SF3B6: variants seen among roughly 807,000 people sequenced by gnomAD.
The protein encoded by SF3B6 is splicing factor 3b subunit 6, also known as SF3b 14 kDa subunit.
In SF3B6, 3 loss-of-function variants were observed where a neutral mutation model predicts 15.9. That is an observed-to-expected ratio of 0.19 (90% CI 0.09 to 0.49). The LOEUF (loss-of-function observed/expected upper bound fraction) is 0.49, where lower values mean the gene tolerates loss of function less well. Among genes scored for constraint, SF3B6 ranks in the 20% least tolerant of loss-of-function variants. SF3B6 has a pLI of 0.97. For missense variants in SF3B6, 71 were observed against 154.3 expected (o/e 0.46, Z 2.86); for synonymous variants, 49 against 51.1 (o/e 0.96, Z 0.18).
intron 2 of SF3B6, among the ~76,000 whole-genome samples, chr2:24,073,233 A>T (rs908151216): frequency 1.3e-5 from 2 of 152,230 alleles, no homozygotes; most frequent in Non-Finnish European, 1.5e-5. Context: ...CTTTATACGT[A>T]GTCATTACTG....
chr2:24,073,450 C>G (rs1348127016), intron 2 of SF3B6, among the ~76,000 whole-genome samples: 3 of 151,968 alleles, frequency 2.0e-5, no homozygotes, highest in African/African-American at 7.3e-5. Context: ...TTTGTTGATC[C>G]AAATAAAAGC....
chr2:24,075,594 T>A (rs981649725), intron 1 of SF3B6, among the ~76,000 whole-genome samples: 13 of 142,358 alleles, frequency 9.1e-5, no homozygotes, highest in African/African-American at 2.4e-4. Context: ...TTTTTTTTTT[T>A]AAAAGTTTCC....
At chr2:24,073,758 A>T in intron 2 of SF3B6, 1 of 177,052 alleles carries the variant, frequency 5.6e-6, no homozygotes, top group Non-Finnish European at 1.2e-5. Context: ...CTAGCTTTAC[A>T]AATAACAGGT....
At chr2:24,073,157 C>T (rs543527609) in intron 2 of SF3B6, among the ~76,000 whole-genome samples, 1 of 152,322 alleles carries the variant, frequency 6.6e-6, no homozygotes, top group Admixed American at 6.5e-5. Flanking sequence ...CTCAAGACCT[C>T]ATAGTCCTAA....
intron 2 of SF3B6, among the ~76,000 whole-genome samples, chr2:24,068,712 G>C (rs979340853): frequency 6.6e-6 from 1 of 152,248 alleles, no homozygotes; most frequent in African/African-American, 2.4e-5. Flanking sequence ...AATATCCATA[G>C]GTCAAGCTGA....
In SF3B6 at chr2:24,068,502, G is replaced by A. The variant is rs761913118; in HGVS notation, c.150-43C>T. ...ACTTAATTAAGATATACATTTACCTGAGCATTGATAGTTGACTTACAGAAC... is the reference window on the plus strand; with the variant it reads ...ACTTAATTAAGATATACATTTACCTAAGCATTGATAGTTGACTTACAGAAC... On this transcript the variant is annotated intron_variant, in intron 2 of 3. Transcript: ENST00000233468. 3.9e-6 allele frequency: 6 copies of A among 1,532,864 alleles called. No homozygotes were observed. The African/African-American group carries it at 6.9e-5, about 18-fold the overall frequency. The allele number at this position is 1,532,864 out of a possible 1,614,324, so 95.0% of individuals were successfully genotyped here. A position where few individuals can be genotyped will look rare whatever the true frequency, so the allele number is the denominator to read the frequency against.
intron 2 of SF3B6, among the ~76,000 whole-genome samples, chr2:24,070,545 G>A (rs999669042): frequency 1.3e-5 from 2 of 152,182 alleles, no homozygotes; most frequent in South Asian, 2.1e-4. Flanking sequence ...TACCTTCCAC[G>A]TGGGTTTAAT....
At chr2:24,072,911 G>C (rs922255916) in intron 2 of SF3B6, among the ~76,000 whole-genome samples, 2 of 152,242 alleles carry the variant, frequency 1.3e-5, no homozygotes, top group African/African-American at 2.4e-5. Flanking sequence ...TCTGTATCTA[G>C]AGCAGGGTTT....
intron 1 of SF3B6, 121 bp from the exon 2 acceptor site, chr2:24,074,315 C>T (rs1664699839): frequency 1.7e-6 from 1 of 583,068 alleles, no homozygotes; most frequent in Non-Finnish European, 3.0e-6. Context: ...AATAAAAAGC[C>T]AAGAATAAGA....
chr2:24,071,583 C>A (rs1355052965), intron 2 of SF3B6, among the ~76,000 whole-genome samples: 1 of 152,058 alleles, frequency 6.6e-6, no homozygotes. Context: ...CCAGCCTGGG[C>A]AACAAGAGCG....
At chr2:24,072,670 C>G (rs1412347773) in intron 2 of SF3B6, among the ~76,000 whole-genome samples, 1 of 152,146 alleles carries the variant, frequency 6.6e-6, no homozygotes, top group Non-Finnish European at 1.5e-5. Flanking sequence ...AGTAGGCAAG[C>G]CAGTATTTGA....
chr2:24,067,949 T>A (rs2150976920), intron 3 of SF3B6, 98 bp from the exon 4 acceptor site: 1 of 970,628 alleles, frequency 1.0e-6, no homozygotes, highest in Admixed American at 1.8e-5. Context: ...AGTAGACATA[T>A]ATCATCACAG....
At chr2:24,075,980 A>G (rs1664738239) in intron 1 of SF3B6, among the ~76,000 whole-genome samples, 1 of 152,042 alleles carries the variant, frequency 6.6e-6, no homozygotes, top group South Asian at 2.1e-4. Flanking sequence ...CACTGACACT[A>G]GGGTAGAGAC....
chr2:24,070,040 A>G lies in SF3B6; in HGVS notation c.150-1581T>C, dbSNP rs76856116. Among the ~76,000 whole-genome samples, 373 of 152,282 alleles carry G rather than the reference A, an allele frequency of 2.4e-3. 2 individuals are homozygous for G. The highest frequency in any genetic ancestry group is 8.5e-3 in the African/African-American group (355 of 41,562). Reference sequence around the variant, plus strand: ...CTTTGTTCAGGAAGCTCAAAACAAAACTAAACAAAGCAACTCTCTTTCTTC... The same window carrying G: ...CTTTGTTCAGGAAGCTCAAAACAAAGCTAAACAAAGCAACTCTCTTTCTTC... On this transcript the variant is annotated intron_variant, in intron 2 of 3. Coordinates refer to ENST00000233468, the MANE Select transcript of SF3B6 (RefSeq NM_016047.4).
chr2:24,075,472 T>C (rs1664724959), intron 1 of SF3B6, among the ~76,000 whole-genome samples: 1 of 149,098 alleles, frequency 6.7e-6, no homozygotes, highest in Non-Finnish European at 1.5e-5. Context: ...CAAGCAATCC[T>C]CCCACCTCAG....
chr2:24,069,803 G>A (rs72852440), intron 2 of SF3B6, among the ~76,000 whole-genome samples: 16,976 of 152,122 alleles, frequency 0.11, 2,489 homozygotes, highest in African/African-American at 0.34. Flanking sequence ...TGGGCCTGAC[G>A]AGGGGTTTTA....
rs565519537 is a variant in SF3B6, at chr2:24,074,772, G to A, written c.31-578C>T. Among the ~76,000 whole-genome samples the A allele has an allele frequency of 3.3e-5, 5 of 151,914 alleles. No homozygotes were observed. The South Asian group carries it at 6.2e-4, about 19-fold the overall frequency. ...CTATCTTTCTTCCATATCATGTTTCGCACACTCTGCTGGATTGCTCCCATT... is the reference window on the plus strand; with the variant it reads ...CTATCTTTCTTCCATATCATGTTTCACACACTCTGCTGGATTGCTCCCATT... On this transcript the variant is annotated intron_variant, in intron 1 of 3. Transcript: ENST00000233468.
intron 2 of SF3B6, among the ~76,000 whole-genome samples, chr2:24,070,056 CTCTT>C (rs761499613): frequency 2.6e-5 from 4 of 152,298 alleles, no homozygotes; most frequent in East Asian, 1.9e-4. Context: ...CAAAGCAACT[CTCTT>C]TCTTCCTCTT....
intron 2 of SF3B6, chr2:24,073,858 C>T (rs1664691394): frequency 2.4e-6 from 1 of 414,600 alleles, no homozygotes; most frequent in Non-Finnish European, 4.3e-6. Context: ...AAACTCAAAT[C>T]CTCTTCTTGG....
Sources: allele counts gnomAD v4.1 joint callset (sites outside exome capture counted in the v4.1 genomes callset), GRCh38; gene constraint gnomAD v4.1.1; transcripts MANE v1.5; gene names NCBI Gene and HGNC (gene_info 2026-07-23, HGNC 2026-07-21).